NTM: variants seen among roughly 807,000 people sequenced by gnomAD.
NTM encodes the protein IgLON family member 2.
In NTM, 13 loss-of-function variants were observed where a neutral mutation model predicts 42.1. That is an observed-to-expected ratio of 0.31 (90% CI 0.20 to 0.49). NTM has a LOEUF of 0.49. Among genes scored for constraint, NTM ranks in the 20% least tolerant of loss-of-function variants. The pLI, the probability that NTM is intolerant of heterozygous loss-of-function variation, is 0.99. For synonymous variants in NTM, 187 were observed against 179.2 expected (o/e 1.04, Z -0.35); for missense variants, 373 against 452.8 (o/e 0.82, Z 1.60).
At chr11:132,088,461 C>T (rs921763712) in intron 2 of NTM, among the ~76,000 whole-genome samples, 1 of 152,148 alleles carries the variant, frequency 6.6e-6, no homozygotes, top group Admixed American at 6.5e-5. Flanking sequence ...TACATGGACA[C>T]ACTGAAAGGT....
chr11:131,500,571 ATATATATTTTTTT>A (rs1484009322), intron 1 of NTM, among the ~76,000 whole-genome samples: 6,161 of 85,302 alleles, frequency 0.072, 242 homozygotes, highest in Middle Eastern at 0.13. Flanking sequence ...ATATATATAT[ATATATATTTTTTT>A]TTTTTTTTTT....
At chr11:132,118,535 G>A (rs538876657) in intron 2 of NTM, among the ~76,000 whole-genome samples, 2 of 152,280 alleles carry the variant, frequency 1.3e-5, no homozygotes, top group South Asian at 2.1e-4. Context: ...AAGAAACCTC[G>A]GAACACGGGC....
chr11:131,576,184 G>A (rs1209953823), intron 1 of NTM, among the ~76,000 whole-genome samples: 3 of 152,082 alleles, frequency 2.0e-5, no homozygotes, highest in South Asian at 2.1e-4. Context: ...ATAACAGCTC[G>A]CCCCTGAAGT....
intron 2 of NTM, among the ~76,000 whole-genome samples, chr11:131,991,080 C>T (rs1052178040): frequency 6.6e-6 from 1 of 152,162 alleles, no homozygotes; most frequent in Non-Finnish European, 1.5e-5. Context: ...ACATTAAGCA[C>T]TGTAGTATGT....
rs34722610 is a variant in NTM, at chr11:131,881,477, T to TACAC, written c.83-30058_83-30055dup. Among the ~76,000 whole-genome samples the TACAC allele has an allele frequency of 6.0e-3, 626 of 104,702 alleles. 4 individuals carry two copies. Among genetic ancestry groups the TACAC allele is most frequent in the African/African-American group, 0.016 (539 of 34,434 alleles). 68.7% of individuals were successfully genotyped at this position (104,702 alleles called of 152,430 possible). A position where few individuals can be genotyped will look rare whatever the true frequency, so the allele number is the denominator to read the frequency against. On this transcript the variant is annotated intron_variant, in intron 1 of 8. Transcript: ENST00000683400. ...TAAAATGTAATTGTGAGCTCTCAGT[T>TACAC]ACACACACACACACACACACACACA...
At chr11:132,317,713 G>GT (rs748307950) in intron 7 of NTM, 56 of 1,296,984 alleles carry the variant, frequency 4.3e-5, no homozygotes, top group Non-Finnish European at 5.0e-5. Context: ...CTTGCTTTAT[G>GT]TTTTGTCTCC....
At chr11:131,771,574 A>G (rs990468015) in intron 1 of NTM, 10 of 152,144 alleles carry the variant, frequency 6.6e-5, no homozygotes, top group African/African-American at 2.4e-4. Context: ...AGTATTTTCA[A>G]GAACGGTGAA....
intron 1 of NTM, among the ~76,000 whole-genome samples, chr11:131,835,194 C>A (rs565942172): frequency 2.0e-5 from 3 of 152,158 alleles, no homozygotes; most frequent in East Asian, 3.9e-4. Flanking sequence ...GGGCTCAGAT[C>A]TGAAGATATT....
intron 1 of NTM, among the ~76,000 whole-genome samples, chr11:131,595,516 G>A (rs775309024): frequency 2.0e-5 from 3 of 152,184 alleles, no homozygotes; most frequent in Non-Finnish European, 2.9e-5. Flanking sequence ...TTTTGCAAAT[G>A]ACATCTCCAT....
intron 1 of NTM, among the ~76,000 whole-genome samples, chr11:131,678,809 A>G (rs1192359755): frequency 1.3e-5 from 2 of 152,102 alleles, no homozygotes; most frequent in Non-Finnish European, 2.9e-5. Flanking sequence ...TGTGAAGCAG[A>G]GGCATGGCCA....
intron 1 of NTM, among the ~76,000 whole-genome samples, chr11:131,470,950 G>A (rs1035879721): frequency 3.3e-5 from 5 of 152,120 alleles, no homozygotes; most frequent in Non-Finnish European, 7.4e-5. Context: ...TGTGCTCGCC[G>A]AGTAGAAATT....
At chr11:132,174,398 T>C (rs901101419) in intron 3 of NTM, among the ~76,000 whole-genome samples, 1 of 152,228 alleles carries the variant, frequency 6.6e-6, no homozygotes, top group African/African-American at 2.4e-5. Context: ...TGCATTATTT[T>C]AGGCTCTAAA....
At chr11:132,280,851 A>G (rs1419807658) in intron 4 of NTM, among the ~76,000 whole-genome samples, 2 of 151,898 alleles carry the variant, frequency 1.3e-5, no homozygotes. Flanking sequence ...TGTAAACCCC[A>G]CCCCAGATTT....
intron 2 of NTM, among the ~76,000 whole-genome samples, chr11:131,972,596 A>G (rs1022760421): frequency 1.3e-5 from 2 of 151,942 alleles, no homozygotes; most frequent in African/African-American, 2.4e-5. Context: ...CTGTTTTCAT[A>G]TGTTGGGTTC....
intron 2 of NTM, among the ~76,000 whole-genome samples, chr11:131,932,049 G>A (rs2058693522): frequency 6.6e-6 from 1 of 152,198 alleles, no homozygotes; most frequent in South Asian, 2.1e-4. Context: ...TGATAAGCGT[G>A]TCTCTGGATG....
chr11:131,947,368 A>G (rs186610423), intron 2 of NTM, among the ~76,000 whole-genome samples: 1 of 151,678 alleles, frequency 6.6e-6, no homozygotes, highest in African/African-American at 2.4e-5. Context: ...CGCTTCAGGA[A>G]CCCTCCCTGC....
chr11:131,910,641 GCGGAGGC>G (rs2054667627), intron 1 of NTM, among the ~76,000 whole-genome samples: 1 of 150,464 alleles, frequency 6.6e-6, no homozygotes, highest in African/African-American at 2.4e-5. Flanking sequence ...GGAAGGCGGC[GCGGAGGC>G]CGGGGGCGGC....
intron 1 of NTM, among the ~76,000 whole-genome samples, chr11:131,763,493 T>A (rs1591671262): frequency 6.6e-6 from 1 of 152,292 alleles, no homozygotes; most frequent in East Asian, 1.9e-4. Flanking sequence ...ATTAAATGTA[T>A]GCCACACATG....
chr11:132,127,799 G>A (rs754818933), intron 2 of NTM, among the ~76,000 whole-genome samples: 18 of 152,180 alleles, frequency 1.2e-4, no homozygotes, highest in Non-Finnish European at 2.4e-4. Context: ...TTTCTGGGGC[G>A]AGCAAATTGA....
Sources: allele counts gnomAD v4.1 joint callset (sites outside exome capture counted in the v4.1 genomes callset), GRCh38; gene constraint gnomAD v4.1.1; transcripts MANE v1.5; gene names NCBI Gene and HGNC (gene_info 2026-07-23, HGNC 2026-07-21).